The following RAB3C variants were observed in gnomAD, a reference collection of about 807,000 sequenced individuals.
RAB3C encodes the protein ras-related protein Rab-3C.
A neutral mutation model predicts 26.4 loss-of-function variants in RAB3C; 17 were observed. The ratio of observed to expected loss-of-function variants is 0.64; its 90% confidence interval spans 0.44 to 0.97. RAB3C has a LOEUF of 0.97. Among genes scored for constraint, RAB3C ranks in the 50% least tolerant of loss-of-function variants. The pLI is 0.00. For missense variants in RAB3C, 242 were observed against 281.9 expected, an observed-to-expected ratio of 0.86 and a Z score of 1.01; for synonymous variants, 91 against 95.9, an observed-to-expected ratio of 0.95 and a Z score of 0.30.
At chr5:58,678,024 A>G (rs1002762728) in intron 2 of RAB3C, among the ~76,000 whole-genome samples, 12 of 130,350 alleles carry the variant, frequency 9.2e-5, no homozygotes, top group Non-Finnish European at 1.4e-4. Flanking sequence ...GTGTGTGTTC[A>G]AGGTACATAT....
rs560720624 is a variant in RAB3C at position 58,696,064 on chromosome 5, A to T, written c.253-29938A>T. Among the ~76,000 whole-genome samples the T allele has an allele frequency of 9.2e-5, 14 of 152,334 alleles. No individual in the cohort carries two copies. The South Asian group carries it at 2.3e-3, about 25-fold the overall frequency. ...GTATGATATTGGCTGTGGATTTGTC[A>T]TAAATAACTCATATTATTTTGAGAT... On this transcript the variant is annotated intron_variant, in intron 2 of 4. Coordinates refer to ENST00000282878, the MANE Select transcript of RAB3C (RefSeq NM_138453.4).
chr5:58,742,218 T>C (rs1024209843), intron 3 of RAB3C, among the ~76,000 whole-genome samples: 2 of 152,158 alleles, frequency 1.3e-5, no homozygotes, highest in Non-Finnish European at 2.9e-5. Context: ...TCTTTTGCCC[T>C]TATTGGCTCC....
intron 1 of RAB3C, among the ~76,000 whole-genome samples, chr5:58,585,319 C>T (rs1173110631): frequency 2.0e-5 from 3 of 151,934 alleles, no homozygotes; most frequent in Non-Finnish European, 4.4e-5. Flanking sequence ...AATGTTTCAG[C>T]ACCGATATTT....
chr5:58,732,953 A>C (rs1165453093), intron 3 of RAB3C, among the ~76,000 whole-genome samples: 1 of 152,088 alleles, frequency 6.6e-6, no homozygotes, highest in African/African-American at 2.4e-5. Flanking sequence ...AGATCAAGCT[A>C]ATTTATTGTC....
chr5:58,856,851 T>C lies in RAB3C; in HGVS notation c.*5500T>C, dbSNP rs1744269634. 6.6e-6 allele frequency: 1 copy of C among 152,192 alleles called. No homozygotes were observed. Among genetic ancestry groups the C allele is most frequent in the African/African-American group, 2.4e-5 (1 of 41,454 alleles). The allele number at this position is 152,192 out of a possible 1,614,324, so 9.4% of individuals were successfully genotyped here. Reference sequence around the variant, plus strand: ...TTGGGTATTGTTTGCTGTATCAATATGATGGCTTTCCATGCATTGTCTCAT... The same window carrying C: ...TTGGGTATTGTTTGCTGTATCAATACGATGGCTTTCCATGCATTGTCTCAT... On this transcript the variant is annotated 3_prime_UTR_variant, in exon 5 of 5. Transcript: ENST00000282878.
chr5:58,675,265 C>CATT (rs1351783486), intron 2 of RAB3C, among the ~76,000 whole-genome samples: 30 of 151,922 alleles, frequency 2.0e-4, no homozygotes, highest in African/African-American at 2.9e-4. Flanking sequence ...TCTTACATGG[C>CATT]GTTGCATATA....
At chr5:58,586,714 A>G (rs1579799835) in intron 1 of RAB3C, among the ~76,000 whole-genome samples, 1 of 151,812 alleles carries the variant, frequency 6.6e-6, no homozygotes, top group African/African-American at 2.4e-5. Context: ...ATATCTACCC[A>G]AAACATGGAG....
At chr5:58,682,516 C>G (rs1297657203) in intron 2 of RAB3C, among the ~76,000 whole-genome samples, 1 of 151,860 alleles carries the variant, frequency 6.6e-6, no homozygotes. Context: ...AACCCTGTCT[C>G]TATTAAAAAT....
intron 1 of RAB3C, among the ~76,000 whole-genome samples, chr5:58,608,089 C>T (rs1217888470): frequency 2.0e-5 from 3 of 152,246 alleles, no homozygotes; most frequent in East Asian, 1.9e-4. Context: ...ACAATATTAA[C>T]CTTAAATGTA....
intron 2 of RAB3C, among the ~76,000 whole-genome samples, chr5:58,637,098 C>T (rs1238515001): frequency 4.9e-5 from 7 of 142,208 alleles, no homozygotes; most frequent in South Asian, 4.4e-4. Context: ...TTTCAAAGAA[C>T]TTTTTTTTTT....
At chr5:58,783,952 G>T (rs442547) in intron 3 of RAB3C, among the ~76,000 whole-genome samples, 119,173 of 152,006 alleles carry the variant, frequency 0.78, 46,872 homozygotes, top group African/African-American at 0.83. Context: ...AGTTGAAATG[G>T]TAACTATATT....
chr5:58,606,372 A>C (rs958631676), intron 1 of RAB3C, among the ~76,000 whole-genome samples: 3 of 152,152 alleles, frequency 2.0e-5, no homozygotes, highest in African/African-American at 7.2e-5. Context: ...TGAGGCTTGA[A>C]TAGGTAAAGT....
chr5:58,707,988 CTT>C (rs35213627), intron 2 of RAB3C, among the ~76,000 whole-genome samples: 2 of 142,564 alleles, frequency 1.4e-5, no homozygotes, highest in African/African-American at 5.2e-5. Context: ...TCTTTCTTTC[CTT>C]TTTTTTTTTT....
chr5:58,806,241 C>T (rs552308410), intron 3 of RAB3C, among the ~76,000 whole-genome samples: 5 of 152,178 alleles, frequency 3.3e-5, no homozygotes, highest in African/African-American at 1.2e-4. Context: ...ATGATGATAA[C>T]GTTAGTCCCA....
chr5:58,597,785 T>C (rs1746357427), intron 1 of RAB3C, among the ~76,000 whole-genome samples: 1 of 89,782 alleles, frequency 1.1e-5, no homozygotes, highest in African/African-American at 4.6e-5. Flanking sequence ...ACATTATATA[T>C]AAGTATATAA....
intron 2 of RAB3C, among the ~76,000 whole-genome samples, chr5:58,655,063 G>A (rs1399485769): frequency 6.6e-6 from 1 of 152,012 alleles, no homozygotes; most frequent in Non-Finnish European, 1.5e-5. Flanking sequence ...AGGATACAAG[G>A]GACAAAGACA....
chr5:58,777,548 T>C (rs928699583), intron 3 of RAB3C, among the ~76,000 whole-genome samples: 2 of 152,050 alleles, frequency 1.3e-5, no homozygotes, highest in African/African-American at 4.8e-5. Context: ...ATTTTATATG[T>C]CTATATCTCC....
At chr5:58,625,331 C>T (rs556078190) in intron 2 of RAB3C, among the ~76,000 whole-genome samples, 2 of 152,170 alleles carry the variant, frequency 1.3e-5, no homozygotes, top group Non-Finnish European at 2.9e-5. Context: ...GGTCACATAA[C>T]TCTTTATACT....
At position 58,725,994 on chromosome 5, in the gene RAB3C, T is replaced by A. The variant is rs1335477723; in HGVS notation, c.253-8T>A. The A allele has an allele frequency of 6.7e-7, 1 of 1,484,184 alleles. No homozygotes were observed. The highest frequency in any genetic ancestry group is 1.3e-5 in the South Asian group (1 of 79,542). 91.9% of individuals were successfully genotyped at this position (1,484,184 alleles called of 1,614,324 possible). ...CTGAGAGATTATCATTTTTTTTTTATTCTTTAGGACACAGCAGGCCAGGAA... is the reference window on the plus strand; with the variant it reads ...CTGAGAGATTATCATTTTTTTTTTAATCTTTAGGACACAGCAGGCCAGGAA... On this transcript the variant is annotated splice_region_variant and splice_polypyrimidine_tract_variant and intron_variant, in intron 2 of 4. Coordinates refer to ENST00000282878, the MANE Select transcript of RAB3C (RefSeq NM_138453.4).
Sources: allele counts gnomAD v4.1 joint callset (sites outside exome capture counted in the v4.1 genomes callset), GRCh38; gene constraint gnomAD v4.1.1; transcripts MANE v1.5; gene names NCBI Gene and HGNC (gene_info 2026-07-23, HGNC 2026-07-21).